ZNF140: variants seen among roughly 807,000 people sequenced by gnomAD.
ZNF140 encodes the protein zinc finger protein 140, also known as zinc finger protein 140 (clone pHZ-39).
A neutral mutation model predicts 12.9 loss-of-function variants in ZNF140; 13 were observed. The ratio of observed to expected loss-of-function variants is 1.01; its 90% confidence interval spans 0.66 to 1.60. The LOEUF is 1.60. ZNF140 is among the 40% of genes most tolerant of loss of function. The pLI, the probability that ZNF140 is intolerant of heterozygous loss-of-function variation, is 0.00. For missense variants in ZNF140, 531 were observed against 548.8 expected, an observed-to-expected ratio of 0.97 and a Z score of 0.32; for synonymous variants, 214 against 186.7, an observed-to-expected ratio of 1.15 and a Z score of -1.19.
Position 133,106,326 on chromosome 12 carries a change from T to C in ZNF140, c.1049T>C (p.Ile350Thr), listed in dbSNP as rs779843232. ...TCATTCCTTATTAAACATCAGAGAA[T>C]TCATGCTGGAGAAAAGCTCTATGAA... ...CHSFLIKHQRIHAGEKLYECD... is the reference protein window; with the variant it reads ...CHSFLIKHQRTHAGEKLYECD... The change falls in exon 5 of 5, where the codon ATT becomes ACT. Residue 350 changes from isoleucine to threonine, a missense_variant. By Grantham distance (89) the Ile-to-Thr change is moderately conservative. Transcript: ENST00000355557. 10 of 1,614,178 alleles carry C rather than the reference T, an allele frequency of 6.2e-6. No homozygotes were observed. The highest frequency in any genetic ancestry group is 1.6e-4 in the Middle Eastern group (1 of 6,062).
intron 4 of ZNF140, among the ~76,000 whole-genome samples, chr12:133,091,180 T>G (rs591085): frequency 0.73 from 108,944 of 148,882 alleles, 41,018 homozygotes; most frequent in East Asian, 0.87. Flanking sequence ...ACTCTCACAT[T>G]GGGAGAAACC....
At chr12:133,100,477 TTTTACACCTTAAC>T (rs1448378021) in intron 4 of ZNF140, among the ~76,000 whole-genome samples, 1 of 152,152 alleles carries the variant, frequency 6.6e-6, no homozygotes, top group Non-Finnish European at 1.5e-5. Context: ...TGCCTGGCCC[TTTTACACCTTAAC>T]TAAGCACTTA....
intron 2 of ZNF140, 26 bp from the exon 3 acceptor site, chr12:133,083,077 A>G (rs1954558496): frequency 3.1e-6 from 5 of 1,614,146 alleles, no homozygotes; most frequent in South Asian, 2.2e-5. Context: ...CGTGCTGGTC[A>G]TGCAAATATC....
chr12:133,087,369 C>G (rs915557517), intron 4 of ZNF140, among the ~76,000 whole-genome samples: 1 of 151,654 alleles, frequency 6.6e-6, no homozygotes, highest in Admixed American at 6.6e-5. Context: ...GAGTTTGGGT[C>G]TCTGTGGGAT....
intron 4 of ZNF140, among the ~76,000 whole-genome samples, chr12:133,096,552 T>C (rs1955136974): frequency 6.6e-6 from 1 of 152,246 alleles, no homozygotes; most frequent in African/African-American, 2.4e-5. Context: ...TGCATCCCAC[T>C]GATTATCCCA....
intron 4 of ZNF140, among the ~76,000 whole-genome samples, chr12:133,103,478 G>T (rs11610582): frequency 6.8e-6 from 1 of 146,924 alleles, no homozygotes; most frequent in South Asian, 2.1e-4. Flanking sequence ...TTGTCACTAT[G>T]TTGTTTAGGC....
intron 4 of ZNF140, among the ~76,000 whole-genome samples, chr12:133,088,919 G>T (rs1954768075): frequency 6.6e-6 from 1 of 152,122 alleles, no homozygotes; most frequent in South Asian, 2.1e-4. Context: ...TTCCACTTGG[G>T]CATGGAGTAT....
At chr12:133,105,427 C>G in intron 4 of ZNF140, 83 bp from the exon 5 acceptor site, 1 of 1,393,368 alleles carries the variant, frequency 7.2e-7, no homozygotes. Flanking sequence ...AAACTTCATT[C>G]TGTTGCTAAA....
chr12:133,091,100 C>T (rs1954863380), intron 4 of ZNF140, among the ~76,000 whole-genome samples: 1 of 149,416 alleles, frequency 6.7e-6, no homozygotes. Flanking sequence ...TCCATCTCAG[C>T]ACAGACCTTT....
chr12:133,096,034 G>A lies in ZNF140; in HGVS notation c.233-9476G>A, dbSNP rs961821555. ...TTTCCTCTTTTACCAATCCACCTCA[G>A]CACAGACCCTTTATGGGTGTCGGGC... On this transcript the variant is annotated intron_variant, in intron 4 of 4. Coordinates refer to ENST00000355557, the MANE Select transcript of ZNF140 (RefSeq NM_003440.4). 8.6e-3 allele frequency among the ~76,000 whole-genome samples: 1,298 copies of A among 151,038 alleles called. 90 individuals carry two copies. The highest frequency in any genetic ancestry group is 2.4e-3 in the Non-Finnish European group (164 of 67,536).
At chr12:133,096,517 A>G (rs1027824137) in intron 4 of ZNF140, among the ~76,000 whole-genome samples, 7 of 152,092 alleles carry the variant, frequency 4.6e-5, no homozygotes, top group Non-Finnish European at 1.0e-4. Context: ...AATGCTATAA[A>G]TTTTCCTTTA....
chr12:133,095,649 T>TATTG (rs764302493), intron 4 of ZNF140, among the ~76,000 whole-genome samples: 9,267 of 151,266 alleles, frequency 0.061, 231 homozygotes, highest in African/African-American at 0.13. Flanking sequence ...CCTCAGTTTT[T>TATTG]ATTATTATTT....
At chr12:133,089,853 CTTT>C (rs201164780) in intron 4 of ZNF140, among the ~76,000 whole-genome samples, 3 of 138,484 alleles carry the variant, frequency 2.2e-5, no homozygotes, top group African/African-American at 2.6e-5. Flanking sequence ...AATATTTGTG[CTTT>C]TTTTTTTTTT....
intron 4 of ZNF140, among the ~76,000 whole-genome samples, chr12:133,096,245 A>G (rs1222982069): frequency 6.6e-6 from 1 of 152,050 alleles, no homozygotes; most frequent in Non-Finnish European, 1.5e-5. Flanking sequence ...GCTTGTAAAC[A>G]TTTTGTTAAC....
chr12:133,096,990 C>T (rs1955153181), intron 4 of ZNF140, among the ~76,000 whole-genome samples: 2 of 152,164 alleles, frequency 1.3e-5, no homozygotes, highest in Non-Finnish European at 2.9e-5. Context: ...ATCTGTTTCT[C>T]CTTGCTGTTT....
Position 133,104,213 on chromosome 12 carries a change from C to G in ZNF140, c.233-1297C>G, listed in dbSNP as rs1166121241. Reference sequence around the variant, plus strand: ...ATAGTACAAAGAATGTTCACATTCACCTTTGCTTGTACACATTTGCCTTAT... The same window carrying G: ...ATAGTACAAAGAATGTTCACATTCAGCTTTGCTTGTACACATTTGCCTTAT... On this transcript the variant is annotated intron_variant, in intron 4 of 4. Coordinates refer to ENST00000355557, the MANE Select transcript of ZNF140 (RefSeq NM_003440.4). 3.3e-5 allele frequency among the ~76,000 whole-genome samples: 5 copies of G among 152,214 alleles called. No individual in the cohort carries two copies. The East Asian group carries it at 7.7e-4, about 24-fold the overall frequency.
rs1188194621 is a variant in ZNF140 at position 133,094,187 on chromosome 12, A to T, written c.232+10626A>T. Among the ~76,000 whole-genome samples the T allele has an allele frequency of 1.4e-4, 21 of 150,670 alleles. 2 individuals carry two copies. The highest frequency in any genetic ancestry group is 7.3e-4 in the Admixed American group (11 of 15,158). ...AAATATTATCAACATAATGAATAAT[A>T]CAACAGTCTGAAAACTTGTCTCTCA... On this transcript the variant is annotated intron_variant, in intron 4 of 4. Coordinates refer to ENST00000355557, the MANE Select transcript of ZNF140 (RefSeq NM_003440.4).
chr12:133,090,997 G>A lies in ZNF140; in HGVS notation c.232+7436G>A, dbSNP rs1452738543. Among the ~76,000 whole-genome samples, 30 of 148,652 alleles carry A rather than the reference G, an allele frequency of 2.0e-4. 1 individual carries two copies. Among genetic ancestry groups the A allele is most frequent in the South Asian group, 4.3e-4 (2 of 4,660 alleles). ...CTCAGAATTGAACAAATGTACAATC[G>A]GGTTTTATACCGAGACATTCAGTTC... On this transcript the variant is annotated intron_variant, in intron 4 of 4. Transcript: ENST00000355557.
At chr12:133,096,203 A>G (rs930740734) in intron 4 of ZNF140, among the ~76,000 whole-genome samples, 15 of 151,988 alleles carry the variant, frequency 9.9e-5, no homozygotes, top group Non-Finnish European at 1.9e-4. Context: ...TATTGAGACT[A>G]GAGAATGGCG....
Sources: allele counts gnomAD v4.1 joint callset (sites outside exome capture counted in the v4.1 genomes callset), GRCh38; gene constraint gnomAD v4.1.1; transcripts MANE v1.5; gene names NCBI Gene and HGNC (gene_info 2026-07-23, HGNC 2026-07-21).